Variants in NEB observed in about 807,000 individuals in gnomAD.
NEB encodes the protein nebulin, also known as nemaline myopathy type 2.
NEB carries 512 observed loss-of-function variants against 952.2 expected under a neutral mutation model. The ratio of observed to expected loss-of-function variants is 0.54; its 90% CI spans 0.50 to 0.58. The LOEUF (loss-of-function observed/expected upper bound fraction) is 0.58. Among genes scored for constraint, NEB ranks in the 20% least tolerant of loss-of-function variants. The pLI is 0.00. For synonymous variants in NEB, 2,900 were observed against 3,149.8 expected (o/e 0.92, Z 2.66); for missense variants, 8,428 against 9,231.1 (o/e 0.91, Z 3.56).
At chr2:151,513,792 G>C in intron 159 of NEB, 99 bp from the exon 160 acceptor site, 1 of 815,092 alleles carries the variant, frequency 1.2e-6, no homozygotes, top group Non-Finnish European at 2.0e-6. Context: ...CGCCACCCCA[G>C]TTGTCACAGA....
chr2:151,695,323 A>C (rs773020905), intron 18 of NEB, among the ~76,000 whole-genome samples: 2 of 152,200 alleles, frequency 1.3e-5, no homozygotes, highest in Non-Finnish European at 2.9e-5. Flanking sequence ...CATACATGAG[A>C]CGTAGCATTC....
At chr2:151,490,540 G>A (rs1234496026) in intron 179 of NEB, 22 bp from the exon 180 acceptor site, 5 of 1,604,410 alleles carry the variant, frequency 3.1e-6, no homozygotes, top group Middle Eastern at 1.7e-4. Flanking sequence ...GCAGTTGGGG[G>A]AGATGTAGCA....
intron 20 of NEB, 50 bp downstream of exon 20, chr2:151,694,273 C>A: frequency 1.3e-6 from 2 of 1,489,292 alleles, no homozygotes; most frequent in Non-Finnish European, 1.9e-6. Flanking sequence ...TATTAAACAG[C>A]AACTTTGTGG....
rs1176664285 is a variant in NEB at position 151,694,336 on chromosome 2, T to C, written c.1883A>G (p.Lys628Arg). 4 of 1,613,848 alleles carry C rather than the reference T, an allele frequency of 2.5e-6. No individual in the cohort carries two copies. The highest frequency in any genetic ancestry group is 1.1e-5 in the South Asian group (1 of 91,056). The change falls in exon 20 of 182, where the codon AAA becomes AGA. Residue 628 changes from lysine to arginine, a missense_variant. By Grantham distance (26) the Lys-to-Arg change is conservative (BLOSUM62 2). This residue lies in a region of NEB where 2,851 missense variants were observed against 2,791.5 expected (regional missense o/e 1.02). Coordinates refer to ENST00000397345, the MANE Select transcript of NEB (RefSeq NM_001164508.2). The stretch of plus-strand genomic sequence containing the variant: ...AAAGAAACTCACATCACTCTGGTTT[T>C]TGGCCACCTTCAAGGAGTGCAGCAT... ...PKMLHSLKVA[K>R]NQSDRLYKEN...
At chr2:151,651,240 T>C (rs2099025764) in intron 52 of NEB, among the ~76,000 whole-genome samples, 1 of 152,176 alleles carries the variant, frequency 6.6e-6, no homozygotes, top group African/African-American at 2.4e-5. Flanking sequence ...TCAAGAGAGG[T>C]TATGATAAGA....
At chr2:151,507,048 C>T in intron 162 of NEB, 35 bp from the exon 163 acceptor site, 1 of 1,265,340 alleles carries the variant, frequency 7.9e-7, no homozygotes, top group Non-Finnish European at 1.2e-6. Context: ...GTTAAGATTT[C>T]AACATTGCTT....
intron 143 of NEB, among the ~76,000 whole-genome samples, chr2:151,532,752 T>C (rs1325852318): frequency 6.6e-6 from 1 of 152,106 alleles, no homozygotes; most frequent in African/African-American, 2.4e-5. Context: ...TTAACTTTTT[T>C]TTTTTGGTCT....
Position 151,717,855 on chromosome 2 carries a change from CT to C in NEB, c.718-336del, listed in dbSNP as rs5835379. Among the ~76,000 whole-genome samples, 610 of 140,240 alleles carry C rather than the reference CT, an allele frequency of 4.3e-3. 16 individuals carry two copies. The highest frequency in any genetic ancestry group is 0.013 in the African/African-American group (499 of 37,724). 92.0% of individuals were successfully genotyped at this position (140,240 alleles called of 152,430 possible). On this transcript the variant is annotated intron_variant, in intron 9 of 181. Transcript: ENST00000397345. ...GACTTGACCATATACCTCCTTTGTT[CT>C]TTTTTTTTTTTTTTTGAGACGGAGT...
Position 151,490,013 on chromosome 2 carries a change from CTGTT to C in NEB, c.25358_25361del (p.Gln8453ArgfsTer41). 6.2e-7 allele frequency: 1 copy of C among 1,613,322 alleles called. No individual in the cohort carries two copies. Among genetic ancestry groups the C allele is most frequent in the Non-Finnish European group, 8.5e-7 (1 of 1,179,366 alleles). ...GAGATGGGATGGAAGATACCGTTGT[CTGTT>C]GGGTAGCAACTGAAGATGATCGTTG... On this transcript the variant is annotated frameshift_variant, in exon 181 of 182. Coordinates refer to ENST00000397345, the MANE Select transcript of NEB (RefSeq NM_001164508.2). LOFTEE classifies it high-confidence loss of function.
At position 151,621,011 on chromosome 2, in the gene NEB, C is replaced by G. The variant is rs764384832; in HGVS notation, c.10468G>C (p.Ala3490Pro). The part of the protein sequence containing the change: ...INYSESLYRQ[A>P]MEEAKKEGYD... ...CCTTCTTTCTTGGCTTCTTCCATGG[C>G]CTGACGATAGAGGCTCTGAGGAAAG... is the stretch of plus-strand genomic sequence containing the variant. Residue 3490 changes from alanine to proline, a missense_variant, in exon 72 of 182, where the codon GCC becomes CCC. Physicochemically the swap from Ala to Pro is conservative, Grantham distance 27 (BLOSUM62 -1). Around this residue, in one of 11 missense-constraint regions of NEB, gnomAD observed 1,772 missense variants for 1,960.3 expected, o/e 0.90. Coordinates refer to ENST00000397345, the MANE Select transcript of NEB (RefSeq NM_001164508.2). 2 of 1,609,464 alleles carry G rather than the reference C, an allele frequency of 1.2e-6. No homozygotes were observed. Among genetic ancestry groups the G allele is most frequent in the Non-Finnish European group, 1.7e-6 (2 of 1,177,700 alleles).
chr2:151,724,429 AC>A (rs1176817013), intron 7 of NEB, 65 bp from the exon 8 acceptor site: 2 of 1,210,508 alleles, frequency 1.7e-6, no homozygotes, highest in Non-Finnish European at 2.4e-6. Flanking sequence ...GATTTAAACA[AC>A]AAAGGGAGAC....
intron 68 of NEB, among the ~76,000 whole-genome samples, chr2:151,629,198 C>T (rs1333032070): frequency 6.6e-6 from 1 of 152,054 alleles, no homozygotes; most frequent in Non-Finnish European, 1.5e-5. Context: ...TTTTTTAACA[C>T]CTCTTTTGCC....
chr2:151,726,532 T>C (rs551874737), intron 5 of NEB, among the ~76,000 whole-genome samples: 25 of 152,270 alleles, frequency 1.6e-4, no homozygotes, highest in Non-Finnish European at 1.9e-4. Flanking sequence ...CCAGAGGACA[T>C]GCAATCAAGC....
At chr2:151,560,405 A>G (rs953122403) in intron 124 of NEB, among the ~76,000 whole-genome samples, 187 bp downstream of exon 124, 3 of 152,208 alleles carry the variant, frequency 2.0e-5, no homozygotes, top group Admixed American at 6.6e-5. Flanking sequence ...TCCAGGCAGC[A>G]GAGAGAGACA....
At chr2:151,687,379 G>A (rs780514619) in intron 27 of NEB, 40 bp downstream of exon 27, 2 of 1,535,402 alleles carry the variant, frequency 1.3e-6, no homozygotes, top group South Asian at 1.1e-5. Flanking sequence ...GTAACAGGGA[G>A]TCCATCTTGA....
At chr2:151,547,335 A>G (rs566740147) in intron 133 of NEB, 94 bp downstream of exon 133, 3 of 919,314 alleles carry the variant, frequency 3.3e-6, no homozygotes, top group African/African-American at 3.3e-5. Flanking sequence ...CTTATCAGAA[A>G]AGGCTGTTCA....
rs766403385 is a variant in NEB, at chr2:151,565,761, A to G, written c.18216T>C (p.Ser6072=). 6 of 1,612,584 alleles carry G rather than the reference A, an allele frequency of 3.7e-6. No individual in the cohort carries two copies. The Admixed American group carries it at 1.0e-4, about 27-fold the overall frequency. The part of the protein sequence containing the change: ...LRGIGWIPLD[S]VDHVRVTKNQ... Reference sequence around the variant, plus strand: ...TCTTAGTAACCCTTACATGGTCCACAGAATCCAGTGGGATCCAGCCAATGC... The same window carrying G: ...TCTTAGTAACCCTTACATGGTCCACGGAATCCAGTGGGATCCAGCCAATGC... Residue 6072 remains serine (S), a synonymous_variant, in exon 115 of 182, where the codon TCT becomes TCC. Coordinates refer to ENST00000397345, the MANE Select transcript of NEB (RefSeq NM_001164508.2).
intron 105 of NEB, among the ~76,000 whole-genome samples, 152 bp from the exon 106 acceptor site, chr2:151,576,506 A>ATATT (rs1417952055): frequency 4.6e-5 from 2 of 43,584 alleles, no homozygotes; most frequent in African/African-American, 2.7e-4. Context: ...ATATATATAT[A>ATATT]TATATATATA....
intron 130 of NEB, 105 bp from the exon 131 acceptor site, chr2:151,548,520 T>C (rs2094980037): frequency 1.3e-6 from 1 of 793,838 alleles, no homozygotes; most frequent in Admixed American, 2.2e-5. Context: ...AAAATTGCTC[T>C]TTTTAAGGAT....
Sources: allele counts gnomAD v4.1 joint callset (sites outside exome capture counted in the v4.1 genomes callset), GRCh38; gene constraint gnomAD v4.1.1; regional missense constraint gnomAD v4.1.1; transcripts MANE v1.5; gene names NCBI Gene and HGNC (gene_info 2026-07-23, HGNC 2026-07-21).